The following LARS1 variants were observed in gnomAD, a reference collection of about 807,000 sequenced individuals.
The protein encoded by LARS1 is leucine--tRNA ligase, cytoplasmic.
Under a neutral mutation model 162.8 loss-of-function variants are expected in LARS1, and 100 were observed. The ratio of observed to expected loss-of-function variants is 0.61; its 90% CI spans 0.52 to 0.73. The LOEUF (loss-of-function observed/expected upper bound fraction) is 0.73, where lower values mean the gene tolerates loss of function less well. Ranked by LOEUF, LARS1 falls within the 30% of genes least tolerant of loss-of-function variation. The pLI is 0.00. For missense variants in LARS1, 1,258 were observed against 1,408.9 expected, an observed-to-expected ratio of 0.89 and a Z score of 1.71; for synonymous variants, 457 against 462.8, an observed-to-expected ratio of 0.99 and a Z score of 0.16.
intron 15 of LARS1, among the ~76,000 whole-genome samples, chr5:146,146,223 C>T (rs1456752841): frequency 6.6e-6 from 1 of 151,888 alleles, no homozygotes; most frequent in Non-Finnish European, 1.5e-5. Context: ...ACCTGTAACG[C>T]CCAGCTACTT....
rs863224046 is a variant in LARS1 at position 146,131,014 on chromosome 5, C to T, written c.2487+5G>A. 1 of 1,520,344 alleles carries T rather than the reference C, an allele frequency of 6.6e-7. No homozygotes were observed. Among genetic ancestry groups the T allele is most frequent in the Non-Finnish European group, 9.0e-7 (1 of 1,108,270 alleles). The allele number at this position is 1,520,344 out of a possible 1,614,324, so 94.2% of individuals were successfully genotyped here. A position where few individuals can be genotyped will look rare whatever the true frequency, so the allele number is the denominator to read the frequency against. On this transcript the variant is annotated splice_donor_5th_base_variant and intron_variant, in intron 24 of 31. Coordinates refer to ENST00000394434, the MANE Select transcript of LARS1 (RefSeq NM_020117.11). ...TTATAGCTACCAAAAGAATCAACAG[C>T]CTACCTGAAACTCAAAAAACCCTGT...
chr5:146,144,401 T>TG (rs1371682805), intron 17 of LARS1, 52 bp from the exon 18 acceptor site: 1 of 1,597,192 alleles, frequency 6.3e-7, no homozygotes, highest in East Asian at 2.2e-5. Context: ...CTTTTTTTGT[T>TG]GCATTTCAAC....
rs2126433090 is a variant in LARS1 at position 146,132,919 on chromosome 5, A to G, written c.2375T>C (p.Phe792Ser). The change falls in exon 23 of 32, where the codon TTC (phenylalanine) becomes TCC (serine). Residue 792 changes from phenylalanine to serine, a missense_variant. Transcript: ENST00000394434. Reference sequence around the variant, plus strand: ...TTACCTGGCAAAAACTCTATCATTGAAAGTGCTGGCAGGACCACTTCTTAG... The same window carrying G: ...TTACCTGGCAAAAACTCTATCATTGGAAGTGCTGGCAGGACCACTTCTTAG... The part of the protein sequence containing the change: ...DSLRSGPAST[F>S]NDRVFASELN... 6.2e-7 allele frequency: 1 copy of G among 1,613,728 alleles called. No individual in the cohort carries two copies. Among genetic ancestry groups the G allele is most frequent in the Non-Finnish European group, 8.5e-7 (1 of 1,179,738 alleles).
At chr5:146,154,035 A>G in intron 10 of LARS1, 55 bp from the exon 11 acceptor site, 1 of 1,220,372 alleles carries the variant, frequency 8.2e-7, no homozygotes, top group Non-Finnish European at 1.2e-6. Flanking sequence ...TGACCATTAG[A>G]ATTAAAACTA....
intron 30 of LARS1, 128 bp from the exon 31 acceptor site, chr5:146,120,631 G>T (rs1432542408): frequency 1.1e-6 from 1 of 894,732 alleles, no homozygotes; most frequent in Non-Finnish European, 1.6e-6. Flanking sequence ...TGACTAAGGA[G>T]TACTCAAATA....
At chr5:146,133,538 G>A (rs577786184) in intron 22 of LARS1, among the ~76,000 whole-genome samples, 31 of 152,008 alleles carry the variant, frequency 2.0e-4, no homozygotes, top group Non-Finnish European at 3.7e-4. Context: ...TTGAAACTAG[G>A]TTCTTACAAG....
chr5:146,182,603 T>C lies in LARS1; in HGVS notation c.-110A>G. Reference sequence around the variant, plus strand: ...GGGGATGCCAGGCCTCCCACGAAACTAAAGCACACGCTTCACACCTGCTGA... The same window carrying C: ...GGGGATGCCAGGCCTCCCACGAAACCAAAGCACACGCTTCACACCTGCTGA... On this transcript the variant is annotated 5_prime_UTR_variant, in exon 1 of 32. It removes the in-frame stop codon of an upstream open reading frame in the 5' UTR. Transcript: ENST00000394434. 1 of 1,416,818 alleles carries C rather than the reference T, an allele frequency of 7.1e-7. No homozygotes were observed. Among genetic ancestry groups the C allele is most frequent in the Non-Finnish European group, 1.0e-6 (1 of 1,001,506 alleles). 87.8% of individuals were successfully genotyped at this position (1,416,818 alleles called of 1,614,324 possible).
chr5:146,116,470 G>A (rs1323189884), intron 31 of LARS1, among the ~76,000 whole-genome samples: 3 of 152,188 alleles, frequency 2.0e-5, no homozygotes, highest in African/African-American at 7.2e-5. Context: ...AGGCTTCTAA[G>A]TGACAAAACA....
chr5:146,152,482 A>G (rs1178262840), intron 13 of LARS1, among the ~76,000 whole-genome samples: 1 of 152,058 alleles, frequency 6.6e-6, no homozygotes, highest in Non-Finnish European at 1.5e-5. Context: ...AGAAGCACGA[A>G]CCCTATTGTG....
intron 2 of LARS1, among the ~76,000 whole-genome samples, chr5:146,174,622 C>CCA: frequency 8.3e-6 from 1 of 120,100 alleles, no homozygotes; most frequent in African/African-American, 3.1e-5. Context: ...TAGAATATAG[C>CCA]TTAATAAGCA....
At chr5:146,130,406 T>C (rs1042355769) in intron 24 of LARS1, 4 of 473,008 alleles carry the variant, frequency 8.5e-6, no homozygotes, top group Non-Finnish European at 1.5e-5. Context: ...AACTGAGACA[T>C]AAAAGTTGAA....
intron 2 of LARS1, among the ~76,000 whole-genome samples, chr5:146,176,911 C>T (rs905563372): frequency 7.9e-5 from 12 of 151,960 alleles, no homozygotes; most frequent in Admixed American, 4.6e-4. Flanking sequence ...AGAATAATTT[C>T]GTTTTATCAG....
At position 146,128,653 on chromosome 5, in the gene LARS1, A is replaced by G; in HGVS notation, c.2880+19T>C. 1 of 1,492,426 alleles carries G rather than the reference A, an allele frequency of 6.7e-7. No individual in the cohort carries two copies. Among genetic ancestry groups the G allele is most frequent in the Non-Finnish European group, 9.0e-7 (1 of 1,110,996 alleles). The allele number at this position is 1,492,426 out of a possible 1,614,324, so 92.4% of individuals were successfully genotyped here. A position where few individuals can be genotyped will look rare whatever the true frequency, so the allele number is the denominator to read the frequency against. On this transcript the variant is annotated intron_variant, in intron 27 of 31. Transcript: ENST00000394434. ...GCATACAACACCATCAGGGGGGAAA[A>G]GTCTACTGAGAGCATCACCTCAAAG...
chr5:146,145,995 G>A (rs1752987900), intron 15 of LARS1, among the ~76,000 whole-genome samples: 1 of 152,200 alleles, frequency 6.6e-6, no homozygotes, highest in Non-Finnish European at 1.5e-5. Context: ...AATCCACTCT[G>A]CACTCTAGTT....
chr5:146,156,424 T>C (rs948718379), intron 10 of LARS1, among the ~76,000 whole-genome samples: 3 of 152,210 alleles, frequency 2.0e-5, no homozygotes, highest in African/African-American at 7.2e-5. Flanking sequence ...CTGGGTACAG[T>C]GGCTTACGCC....
intron 1 of LARS1, among the ~76,000 whole-genome samples, chr5:146,178,074 G>A (rs1483352153): frequency 2.0e-5 from 3 of 151,884 alleles, no homozygotes; most frequent in Non-Finnish European, 4.4e-5. Context: ...CTCCAGCTTG[G>A]GTGACACAGC....
chr5:146,127,373 T>C (rs1752089643), intron 27 of LARS1, among the ~76,000 whole-genome samples: 1 of 152,102 alleles, frequency 6.6e-6, no homozygotes, highest in Non-Finnish European at 1.5e-5. Context: ...TGGTGCCACA[T>C]TCAACATAAG....
intron 27 of LARS1, 84 bp downstream of exon 27, chr5:146,128,588 A>T: frequency 1.3e-6 from 1 of 796,942 alleles, no homozygotes; most frequent in Non-Finnish European, 1.9e-6. Context: ...TTCTTCTCCC[A>T]GACATTGCCA....
rs1752213834 is a variant in LARS1, at chr5:146,130,103, A to G, written c.2543T>C (p.Val848Ala). Residue 848 changes from valine (V) to alanine (A), a missense_variant, in exon 25 of 32, where the codon GTG becomes GCG. By Grantham distance (64) the Val-to-Ala change is moderately conservative. Coordinates refer to ENST00000394434, the MANE Select transcript of LARS1 (RefSeq NM_020117.11). ...TGTCTGAACTTCAATAAACCGGAACACAAGTTCTCTGTGCATCCCTTCCAC... is the reference window on the plus strand; with the variant it reads ...TGTCTGAACTTCAATAAACCGGAACGCAAGTTCTCTGTGCATCCCTTCCAC... The part of the protein sequence containing the change: ...LAVEGMHREL[V>A]FRFIEVQTLL... The G allele has an allele frequency of 6.2e-7, 1 of 1,613,874 alleles. No individual in the cohort carries two copies. Among genetic ancestry groups the G allele is most frequent in the Non-Finnish European group, 8.5e-7 (1 of 1,179,870 alleles).
Sources: allele counts gnomAD v4.1 joint callset (sites outside exome capture counted in the v4.1 genomes callset), GRCh38; gene constraint gnomAD v4.1.1; transcripts MANE v1.5; gene names NCBI Gene and HGNC (gene_info 2026-07-23, HGNC 2026-07-21).